The following DPP10 variants were observed in gnomAD, a reference collection of about 807,000 sequenced individuals.
DPP10 encodes inactive dipeptidyl peptidase 10.
In DPP10, 33 loss-of-function variants were observed where a neutral mutation model predicts 120.9. The ratio of observed to expected loss-of-function variants is 0.27; its 90% CI spans 0.21 to 0.37. The LOEUF is 0.37. Ranked by LOEUF, DPP10 falls within the 10% of genes least tolerant of loss-of-function variation. The pLI is 1.00. For missense variants in DPP10, 816 were observed against 942.8 expected, an observed-to-expected ratio of 0.87 and a Z score of 1.76; for synonymous variants, 337 against 326.1, an observed-to-expected ratio of 1.03 and a Z score of -0.36.
At chr2:115,724,021 A>C (rs1155604) in intron 7 of DPP10, among the ~76,000 whole-genome samples, 1 of 152,186 alleles carries the variant, frequency 6.6e-6, no homozygotes, top group African/African-American at 2.4e-5. Flanking sequence ...AGCTAAAACA[A>C]GTCTAATGTT....
chr2:115,434,117 G>T (rs534969152), intron 3 of DPP10, among the ~76,000 whole-genome samples: 1 of 152,050 alleles, frequency 6.6e-6, no homozygotes, highest in Non-Finnish European at 1.5e-5. Flanking sequence ...TATGAGTAAT[G>T]GTGGTAGTAT....
intron 2 of DPP10, among the ~76,000 whole-genome samples, chr2:115,321,515 G>GGT (rs1553549254): frequency 8.2e-5 from 10 of 121,590 alleles, no homozygotes; most frequent in Non-Finnish European, 1.6e-4. Context: ...TTTTTTTAGT[G>GGT]TTTTTTTTTT....
rs893853412 is a variant in DPP10, at chr2:115,836,132, A to G, written c.1951-25A>G. ...GTGTGTGTGTGAGATATATATATAT[A>G]TATATATATATTTTTCCCCCCCAGG... is the stretch of plus-strand genomic sequence containing the variant. On this transcript the variant is annotated intron_variant, in intron 21 of 25. Coordinates refer to ENST00000410059, the MANE Select transcript of DPP10 (RefSeq NM_020868.6). 5 of 1,133,994 alleles carry G rather than the reference A, an allele frequency of 4.4e-6. 1 individual carries two copies. The highest frequency in any genetic ancestry group is 6.1e-6 in the Non-Finnish European group (5 of 816,700). The allele number at this position is 1,133,994 out of a possible 1,614,324, so 70.2% of individuals were successfully genotyped here. A position where few individuals can be genotyped will look rare whatever the true frequency, so the allele number is the denominator to read the frequency against.
chr2:115,397,605 T>C (rs918363899), intron 3 of DPP10, among the ~76,000 whole-genome samples: 7 of 152,172 alleles, frequency 4.6e-5, no homozygotes, highest in Non-Finnish European at 1.0e-4. Flanking sequence ...CAAGTAGTCT[T>C]ACTAAATACA....
At chr2:115,275,792 C>G (rs984007122) in intron 1 of DPP10, among the ~76,000 whole-genome samples, 1 of 151,214 alleles carries the variant, frequency 6.6e-6, no homozygotes, top group Non-Finnish European at 1.5e-5. Flanking sequence ...CTCTGCCTCC[C>G]GGGTTCACAC....
intron 1 of DPP10, among the ~76,000 whole-genome samples, chr2:115,181,676 G>T (rs2054088972): frequency 6.6e-6 from 1 of 152,068 alleles, no homozygotes; most frequent in African/African-American, 2.4e-5. Flanking sequence ...ATATTTCCTT[G>T]GTCAAAGCAG....
At chr2:115,153,289 C>G (rs1559152907) in intron 1 of DPP10, among the ~76,000 whole-genome samples, 1 of 152,124 alleles carries the variant, frequency 6.6e-6, no homozygotes, top group East Asian at 1.9e-4. Context: ...GACCAATTTC[C>G]TGTTGGGAAA....
chr2:115,301,519 G>A (rs1482324988), intron 1 of DPP10, among the ~76,000 whole-genome samples: 2 of 148,452 alleles, frequency 1.3e-5, no homozygotes, highest in Non-Finnish European at 3.0e-5. Flanking sequence ...GGTGGCGCAA[G>A]CACAAGCAAT....
intron 1 of DPP10, among the ~76,000 whole-genome samples, chr2:114,936,712 T>TATTA (rs1696512434): frequency 6.6e-6 from 1 of 152,144 alleles, no homozygotes; most frequent in African/African-American, 2.4e-5. Context: ...ACTATTACAG[T>TATTA]GTAGAGGTAT....
At chr2:115,476,626 A>G (rs1003657361) in intron 3 of DPP10, among the ~76,000 whole-genome samples, 5 of 152,158 alleles carry the variant, frequency 3.3e-5, no homozygotes, top group African/African-American at 9.7e-5. Flanking sequence ...AGGATATGGC[A>G]CTAAGCAATT....
intron 5 of DPP10, among the ~76,000 whole-genome samples, chr2:115,632,546 AT>A (rs1339382705): frequency 6.6e-6 from 1 of 152,174 alleles, no homozygotes; most frequent in Non-Finnish European, 1.5e-5. Flanking sequence ...ATGGTGACGA[AT>A]TCCCTCAGCA....
rs116684029 is a variant in DPP10, at chr2:115,204,393, A to G, written c.61-104846A>G. ...AAGACTAAGCCTCTAGCCTCTTGCTATTGACAAGAGCAATAGATACTACAT... is the reference window on the plus strand; with the variant it reads ...AAGACTAAGCCTCTAGCCTCTTGCTGTTGACAAGAGCAATAGATACTACAT... On this transcript the variant is annotated intron_variant, in intron 1 of 25. Coordinates refer to ENST00000410059, the MANE Select transcript of DPP10 (RefSeq NM_020868.6). Among the ~76,000 whole-genome samples the G allele has an allele frequency of 3.7e-3, 564 of 152,290 alleles. 2 individuals carry two copies. Among genetic ancestry groups the G allele is most frequent in the African/African-American group, 0.013 (546 of 41,572 alleles).
intron 9 of DPP10, among the ~76,000 whole-genome samples, chr2:115,745,689 TA>T (rs975508031): frequency 7.3e-5 from 11 of 150,436 alleles, no homozygotes; most frequent in African/African-American, 2.7e-4. Flanking sequence ...TCTTTTTTTT[TA>T]ATTAGCCAAA....
chr2:115,091,144 C>A (rs1709220522), intron 1 of DPP10, among the ~76,000 whole-genome samples: 1 of 152,130 alleles, frequency 6.6e-6, no homozygotes, highest in Admixed American at 6.6e-5. Context: ...CAACCATCTC[C>A]CTGTGCTAAG....
In DPP10 at chr2:114,724,364, C is replaced by T. The variant is rs377715875; in HGVS notation, c.60+281526C>T. Among the ~76,000 whole-genome samples, 59 of 152,234 alleles carry T rather than the reference C, an allele frequency of 3.9e-4. No individual in the cohort carries two copies. In the East Asian group the frequency reaches 6.4e-3, roughly 16 times the overall value. On this transcript the variant is annotated intron_variant, in intron 1 of 25. Transcript: ENST00000410059. Reference sequence around the variant, plus strand: ...GTTATCGCTGTATTGTCCAACAGACCGCCAGGATGGCTAAATAGTATAAAG... The same window carrying T: ...GTTATCGCTGTATTGTCCAACAGACTGCCAGGATGGCTAAATAGTATAAAG...
intron 1 of DPP10, among the ~76,000 whole-genome samples, chr2:114,655,010 ATTAGAC>A (rs1270504306): frequency 6.6e-5 from 10 of 152,174 alleles, no homozygotes; most frequent in African/African-American, 2.4e-4. Context: ...TTGACTTAGC[ATTAGAC>A]TTAGATAAGT....
At chr2:115,672,710 C>CTT (rs10648959) in intron 5 of DPP10, among the ~76,000 whole-genome samples, 1,327 of 13,630 alleles carry the variant, frequency 0.097, 20 homozygotes, top group African/African-American at 0.15. Context: ...TTCTTTCTTT[C>CTT]TCTTTCTTTC....
At chr2:114,828,033 G>A (rs1686722937) in intron 1 of DPP10, among the ~76,000 whole-genome samples, 2 of 151,744 alleles carry the variant, frequency 1.3e-5, no homozygotes, top group Admixed American at 1.3e-4. Context: ...TATTCATTTT[G>A]TTGTTGTCAG....
At chr2:115,147,363 T>A (rs999837231) in intron 1 of DPP10, among the ~76,000 whole-genome samples, 2 of 152,066 alleles carry the variant, frequency 1.3e-5, no homozygotes, top group African/African-American at 2.4e-5. Flanking sequence ...GACAAGACAT[T>A]ATTAAGGATA....
Sources: allele counts gnomAD v4.1 joint callset (sites outside exome capture counted in the v4.1 genomes callset), GRCh38; gene constraint gnomAD v4.1.1; transcripts MANE v1.5; gene names NCBI Gene and HGNC (gene_info 2026-07-23, HGNC 2026-07-21).